SLC14A2: variants seen among roughly 807,000 people sequenced by gnomAD.
The protein encoded by SLC14A2 is solute carrier family 14 member 2.
In SLC14A2, 91 loss-of-function variants were observed where a neutral mutation model predicts 104.6. That is an observed-to-expected ratio of 0.87 (90% CI 0.73 to 1.04). SLC14A2 has a LOEUF of 1.04. Among genes scored for constraint, SLC14A2 ranks in the 50% least tolerant of loss-of-function variants. The pLI is 0.00. For missense variants in SLC14A2, 1,189 were observed against 1,156.0 expected, an observed-to-expected ratio of 1.03 and a Z score of -0.41; for synonymous variants, 476 against 466.4, an observed-to-expected ratio of 1.02 and a Z score of -0.27.
chr18:45,610,375 C>T (rs141692057), intron 2 of SLC14A2, among the ~76,000 whole-genome samples: 1 of 152,288 alleles, frequency 6.6e-6, no homozygotes, highest in East Asian at 1.9e-4. Context: ...TGAACATTAC[C>T]ATTACCTAGG....
At chr18:45,536,965 C>T (rs1172995126) in intron 2 of SLC14A2, among the ~76,000 whole-genome samples, 3 of 151,404 alleles carry the variant, frequency 2.0e-5, no homozygotes, top group Non-Finnish European at 2.9e-5. Flanking sequence ...ATTTGCTAAA[C>T]AATCATTCAG....
intron 2 of SLC14A2, among the ~76,000 whole-genome samples, chr18:45,608,832 C>G (rs2044918993): frequency 6.6e-6 from 1 of 152,182 alleles, no homozygotes; most frequent in Non-Finnish European, 1.5e-5. Context: ...TTTTGTAAAT[C>G]TGGTTAGGCG....
At chr18:45,674,890 G>A (rs1299228317) in intron 18 of SLC14A2, among the ~76,000 whole-genome samples, 1 of 152,180 alleles carries the variant, frequency 6.6e-6, no homozygotes, top group Non-Finnish European at 1.5e-5. Flanking sequence ...TGAGAGTGAA[G>A]GCCACTTGAA....
chr18:45,565,977 G>A (rs2044260951), intron 2 of SLC14A2, among the ~76,000 whole-genome samples: 1 of 152,206 alleles, frequency 6.6e-6, no homozygotes. Flanking sequence ...GTGGGGACAT[G>A]TGTGTTTTGT....
At chr18:45,397,887 T>C (rs1220932201) in intron 1 of SLC14A2, among the ~76,000 whole-genome samples, 1 of 152,048 alleles carries the variant, frequency 6.6e-6, no homozygotes, top group Non-Finnish European at 1.5e-5. Flanking sequence ...CTTAGTTCAG[T>C]GCCCAGCCCA....
chr18:45,387,333 G>A (rs761916202), intron 1 of SLC14A2, among the ~76,000 whole-genome samples: 1 of 152,128 alleles, frequency 6.6e-6, no homozygotes, highest in Non-Finnish European at 1.5e-5. Context: ...TTAATTCTAT[G>A]CCCTGCCCCC....
chr18:45,363,573 T>C (rs2085636644), intron 1 of SLC14A2, among the ~76,000 whole-genome samples: 1 of 152,078 alleles, frequency 6.6e-6, no homozygotes, highest in Middle Eastern at 3.2e-3. Context: ...TTGTCCCAGC[T>C]CAGACTCATT....
chr18:45,640,588 G>A (rs986292227), intron 7 of SLC14A2, among the ~76,000 whole-genome samples: 3 of 152,156 alleles, frequency 2.0e-5, no homozygotes, highest in Non-Finnish European at 4.4e-5. Context: ...TGGGGTAGGA[G>A]CATTGGGAGT....
intron 19 of SLC14A2, 97 bp from the exon 20 acceptor site, chr18:45,682,222 C>G (rs1215592350): frequency 4.9e-6 from 5 of 1,028,702 alleles, no homozygotes; most frequent in Non-Finnish European, 7.7e-6. Flanking sequence ...TCAAAGCAGT[C>G]CCTCATGTCC....
At position 45,633,290 on chromosome 18, in the gene SLC14A2, G is replaced by A. The variant is rs183898812; in HGVS notation, c.650+812G>A. ...GCATGGGAATTGTCTATTATGTGACGTAACCAAGACCTAAAAGCTGAAAAC... is the reference window on the plus strand; with the variant it reads ...GCATGGGAATTGTCTATTATGTGACATAACCAAGACCTAAAAGCTGAAAAC... On this transcript the variant is annotated intron_variant, in intron 5 of 19. Transcript: ENST00000255226. Among the ~76,000 whole-genome samples, 17 of 152,298 alleles carry A rather than the reference G, an allele frequency of 1.1e-4. No individual in the cohort carries two copies. The South Asian group carries it at 2.1e-3, about 19-fold the overall frequency.
intron 1 of SLC14A2, among the ~76,000 whole-genome samples, chr18:45,215,449 T>C (rs935453056): frequency 6.6e-6 from 1 of 152,180 alleles, no homozygotes; most frequent in African/African-American, 2.4e-5. Context: ...GGATGTTCAA[T>C]GACTTCTTAA....
chr18:45,473,696 T>C (rs1032422200), intron 1 of SLC14A2, among the ~76,000 whole-genome samples: 3 of 152,204 alleles, frequency 2.0e-5, no homozygotes, highest in East Asian at 1.9e-4. Context: ...GATTGATGTA[T>C]AGGAATGCTT....
intron 1 of SLC14A2, among the ~76,000 whole-genome samples, chr18:45,264,730 G>A (rs1212198307): frequency 6.6e-6 from 1 of 152,078 alleles, no homozygotes; most frequent in Non-Finnish European, 1.5e-5. Context: ...TGGAGGAAAC[G>A]GCCTCCATGA....
At chr18:45,216,838 G>A (rs1370376474) in intron 1 of SLC14A2, among the ~76,000 whole-genome samples, 1 of 152,138 alleles carries the variant, frequency 6.6e-6, no homozygotes, top group African/African-American at 2.4e-5. Flanking sequence ...GATTCTCAGA[G>A]AATCAAACTA....
chr18:45,630,498 C>A (rs1348502306), intron 4 of SLC14A2, among the ~76,000 whole-genome samples: 7 of 152,104 alleles, frequency 4.6e-5, no homozygotes, highest in Non-Finnish European at 1.0e-4. Flanking sequence ...TAATGGAGAC[C>A]TTTTTGGCAC....
At chr18:45,356,109 T>G (rs918595739) in intron 1 of SLC14A2, among the ~76,000 whole-genome samples, 3 of 152,178 alleles carry the variant, frequency 2.0e-5, no homozygotes, top group African/African-American at 4.8e-5. Flanking sequence ...CAGACTACCT[T>G]ATCATTGACT....
At chr18:45,181,426 A>AGGCACT in the SLC14A2 span, 1 of 152,272 alleles carries the variant, frequency 6.6e-6, no homozygotes, top group Non-Finnish European at 1.5e-5. Context: ...TGGGTGGGGC[A>AGGCACT]GGCACTGTGG....
chr18:45,531,814 T>C (rs1204942140), intron 2 of SLC14A2, among the ~76,000 whole-genome samples: 4 of 152,196 alleles, frequency 2.6e-5, no homozygotes, highest in African/African-American at 4.8e-5. Context: ...GGTTTTCTTC[T>C]AGGGTTTTTA....
At chr18:45,291,191 T>C (rs564712334) in intron 1 of SLC14A2, among the ~76,000 whole-genome samples, 3 of 152,320 alleles carry the variant, frequency 2.0e-5, no homozygotes, top group African/African-American at 7.2e-5. Context: ...CATGTGTGAT[T>C]AATTGTCAAA....
Sources: gnomAD v4.1 joint callset for allele counts (sites outside exome capture counted in the v4.1 genomes callset) on GRCh38, gnomAD v4.1.1 for gene constraint, MANE v1.5 for transcripts, NCBI Gene and HGNC (gene_info 2026-07-23, HGNC 2026-07-21) for gene names.